SNX29: variants seen among roughly 807,000 people sequenced by gnomAD.
The protein encoded by SNX29 is sorting nexin 29, also known as sorting nexin-29.
A neutral mutation model predicts 102.1 loss-of-function variants in SNX29; 78 were observed. The observed-to-expected ratio is 0.76, with a 90% CI of 0.64 to 0.92. The LOEUF (loss-of-function observed/expected upper bound fraction) is 0.92, where lower values mean the gene tolerates loss of function less well. Among genes scored for constraint, SNX29 ranks in the 40% least tolerant of loss-of-function variants. The probability of loss-of-function intolerance (pLI) is 0.00; values close to 1 mark genes in which losing one functional copy is unlikely to be tolerated. For missense variants in SNX29, 1,280 were observed against 1,061.7 expected, an observed-to-expected ratio of 1.21 and a Z score of -2.86; for synonymous variants, 580 against 414.5, an observed-to-expected ratio of 1.40 and a Z score of -4.85.
rs36176543 is a variant in SNX29, at chr16:12,334,901, C to CTTTTTTTTTTTT, written c.1783-21253_1783-21242dup. Among the ~76,000 whole-genome samples, 55 of 93,624 alleles carry CTTTTTTTTTTTT rather than the reference C, an allele frequency of 5.9e-4. 1 individual carries two copies. The highest frequency in any genetic ancestry group is 2.1e-3 in the African/African-American group (54 of 26,152). 61.4% of individuals were successfully genotyped at this position (93,624 alleles called of 152,430 possible). A position where few individuals can be genotyped will look rare whatever the true frequency, so the allele number is the denominator to read the frequency against. ...TGCTTTAAGTTATCAGCCCCAGAGCCTTTTTTTTTTTTTTTTTTTTAAAAA... is the reference window on the plus strand; with the variant it reads ...TGCTTTAAGTTATCAGCCCCAGAGCCTTTTTTTTTTTTTTTTTTTTTTTTTTTTTTTTAAAAA... On this transcript the variant is annotated intron_variant, in intron 15 of 20. Transcript: ENST00000566228.
chr16:12,201,867 A>G (rs921544477), intron 14 of SNX29, among the ~76,000 whole-genome samples: 7 of 152,128 alleles, frequency 4.6e-5, no homozygotes, highest in East Asian at 3.9e-4. Context: ...GCGCTACACA[A>G]TGCATTTCTA....
chr16:12,344,687 C>G (rs1050146535), intron 15 of SNX29, among the ~76,000 whole-genome samples: 1 of 152,210 alleles, frequency 6.6e-6, no homozygotes, highest in Non-Finnish European at 1.5e-5. Flanking sequence ...TAAATGTTTG[C>G]TCTTAATGAC....
intron 13 of SNX29, among the ~76,000 whole-genome samples, chr16:12,147,572 T>C (rs1465241454): frequency 6.6e-6 from 1 of 152,140 alleles, no homozygotes; most frequent in Non-Finnish European, 1.5e-5. Context: ...GTGTGGCCAC[T>C]AAGTAAATGC....
intron 8 of SNX29, chr16:12,060,960 A>G (rs1034729620): frequency 2.1e-5 from 9 of 433,746 alleles, no homozygotes; most frequent in South Asian, 3.3e-5. Flanking sequence ...AGGGGCTCAG[A>G]TGCAGCGAGG....
At chr16:12,216,566 G>C (rs1160104196) in intron 14 of SNX29, among the ~76,000 whole-genome samples, 2 of 152,184 alleles carry the variant, frequency 1.3e-5, no homozygotes, top group African/African-American at 4.8e-5. Flanking sequence ...TCTTCCTAAG[G>C]AAGGTGAGAC....
At chr16:12,187,970 C>A (rs781344436) in intron 13 of SNX29, among the ~76,000 whole-genome samples, 1 of 152,100 alleles carries the variant, frequency 6.6e-6, no homozygotes, top group Non-Finnish European at 1.5e-5. Flanking sequence ...TAGGAGTTAG[C>A]TAGGGGATGA....
At chr16:12,133,986 G>A (rs2054567538) in intron 13 of SNX29, among the ~76,000 whole-genome samples, 1 of 152,196 alleles carries the variant, frequency 6.6e-6, no homozygotes, top group African/African-American at 2.4e-5. Flanking sequence ...ACAAGGTCAT[G>A]TAACTAGCCT....
chr16:12,289,178 G>C (rs1241879377), intron 15 of SNX29, among the ~76,000 whole-genome samples: 1 of 152,202 alleles, frequency 6.6e-6, no homozygotes, highest in Non-Finnish European at 1.5e-5. Context: ...TTGGATGGCA[G>C]GCCCCTTCTG....
chr16:11,999,705 T>C (rs548957403), intron 2 of SNX29, among the ~76,000 whole-genome samples: 34 of 152,170 alleles, frequency 2.2e-4, no homozygotes, highest in African/African-American at 7.7e-4. Context: ...AGTTCCAGAC[T>C]AACCTGGCCA....
chr16:12,390,203 C>T (rs1330061995), intron 16 of SNX29, among the ~76,000 whole-genome samples: 2 of 149,748 alleles, frequency 1.3e-5, no homozygotes, highest in African/African-American at 2.5e-5. Flanking sequence ...TATGTGTGCA[C>T]GCACAGCCTC....
At chr16:12,359,163 C>T (rs2082230837) in intron 16 of SNX29, among the ~76,000 whole-genome samples, 1 of 152,128 alleles carries the variant, frequency 6.6e-6, no homozygotes, top group Non-Finnish European at 1.5e-5. Flanking sequence ...GATGCTGTCT[C>T]CAGGTAGATG....
intron 11 of SNX29, chr16:12,088,191 G>C: frequency 2.2e-6 from 1 of 447,260 alleles, no homozygotes; most frequent in Non-Finnish European, 4.5e-6. Context: ...GAAAGCTAGA[G>C]AGAGACAGGA....
At chr16:12,398,181 C>G (rs1190153460) in intron 16 of SNX29, among the ~76,000 whole-genome samples, 2 of 152,302 alleles carry the variant, frequency 1.3e-5, no homozygotes, top group South Asian at 4.1e-4. Flanking sequence ...CTCTTACATG[C>G]CTGTGATTAT....
intron 20 of SNX29, among the ~76,000 whole-genome samples, chr16:12,548,826 A>G: frequency 6.6e-6 from 1 of 152,194 alleles, no homozygotes; most frequent in East Asian, 1.9e-4. Flanking sequence ...TGGCAGGCCC[A>G]GCCCTGTCTA....
intron 11 of SNX29, among the ~76,000 whole-genome samples, chr16:12,106,040 G>T (rs1445451765): frequency 2.0e-5 from 3 of 152,146 alleles, no homozygotes; most frequent in East Asian, 1.9e-4. Context: ...CAGAGCCAAC[G>T]TTTCCATCTA....
At chr16:12,016,118 G>C (rs570000774) in intron 3 of SNX29, among the ~76,000 whole-genome samples, 2 of 152,084 alleles carry the variant, frequency 1.3e-5, no homozygotes, top group Middle Eastern at 3.2e-3. Context: ...GCCCACCTTG[G>C]CCTCCCAAAG....
intron 3 of SNX29, among the ~76,000 whole-genome samples, chr16:12,026,779 A>C (rs767028923): frequency 1.3e-5 from 2 of 152,330 alleles, no homozygotes; most frequent in East Asian, 3.9e-4. Flanking sequence ...TAGAGCATGT[A>C]ATCTCTTATA....
At position 12,149,476 on chromosome 16, in the gene SNX29, T is replaced by G. The variant is rs1298235863; in HGVS notation, c.1595+19718T>G. 2.0e-5 allele frequency among the ~76,000 whole-genome samples: 3 copies of G among 152,234 alleles called. No homozygotes were observed. In the East Asian group the frequency reaches 5.8e-4, roughly 29 times the overall value. ...TCTCATGAGGAAAATTCACTTGTTT[T>G]GTTACCCGGGGTCATGAGGGAGTAT... On this transcript the variant is annotated intron_variant, in intron 13 of 20. Transcript: ENST00000566228.
chr16:12,392,134 G>A (rs1319298547), intron 16 of SNX29, among the ~76,000 whole-genome samples: 1 of 152,170 alleles, frequency 6.6e-6, no homozygotes, highest in African/African-American at 2.4e-5. Flanking sequence ...ACTTTGTTTT[G>A]TGTCTAGCTT....
Sources: gnomAD v4.1 joint callset for allele counts (sites outside exome capture counted in the v4.1 genomes callset) on GRCh38, gnomAD v4.1.1 for gene constraint, MANE v1.5 for transcripts, NCBI Gene and HGNC (gene_info 2026-07-23, HGNC 2026-07-21) for gene names.